The following ZFHX3 variants were observed in gnomAD, a reference collection of about 807,000 sequenced individuals.
The protein encoded by ZFHX3 is zinc finger homeobox 3.
In ZFHX3, 42 loss-of-function variants were observed where a neutral mutation model predicts 279.1. The observed-to-expected ratio is 0.15, with a 90% CI of 0.12 to 0.19. The LOEUF (loss-of-function observed/expected upper bound fraction) is 0.19. Among genes scored for constraint, ZFHX3 ranks in the 10% least tolerant of loss-of-function variants. The pLI, the probability that ZFHX3 is intolerant of heterozygous loss-of-function variation, is 1.00. For synonymous variants in ZFHX3, 2,293 were observed against 1,957.8 expected (o/e 1.17, Z -4.52); for missense variants, 4,981 against 4,754.0 (o/e 1.05, Z -1.40).
At chr16:72,888,719 ACAGT>A (rs2144066072) in intron 4 of ZFHX3, among the ~76,000 whole-genome samples, 1 of 152,346 alleles carries the variant, frequency 6.6e-6, no homozygotes, top group East Asian at 1.9e-4. Flanking sequence ...CAGAAAGAAA[ACAGT>A]CAGGCCCAGC....
chr16:73,686,999 T>C (rs1198223719), intron 1 of ZFHX3, among the ~76,000 whole-genome samples: 1 of 124,110 alleles, frequency 8.1e-6, no homozygotes, highest in Non-Finnish European at 1.7e-5. Flanking sequence ...AATATATATA[T>C]ATTTGCAGCT....
At position 73,166,606 on chromosome 16, in the gene ZFHX3, T is replaced by C. The variant is rs147661445; in HGVS notation, c.-1103-22775A>G. Among the ~76,000 whole-genome samples, 294 of 152,236 alleles carry C rather than the reference T, an allele frequency of 1.9e-3. 1 individual carries two copies. The highest frequency in any genetic ancestry group is 6.4e-3 in the African/African-American group (266 of 41,526). On this transcript the variant is annotated intron_variant, in intron 5 of 17. Coordinates refer to the ZFHX3 transcript ENST00000641206. ...GGAGAGAGGCAGGGAGGGGGTCTGCTGCATGGTTACCCTTGTCAGGTTAAT... is the reference window on the plus strand; with the variant it reads ...GGAGAGAGGCAGGGAGGGGGTCTGCCGCATGGTTACCCTTGTCAGGTTAAT...
Position 72,959,352 on chromosome 16 carries a change from T to C in ZFHX3, c.794A>G (p.Asp265Gly), listed in dbSNP as rs1023789019. 6.2e-6 allele frequency: 10 copies of C among 1,614,098 alleles called. No individual in the cohort carries two copies. The African/African-American group carries it at 1.3e-4, about 22-fold the overall frequency. ...CVSKDVPNNVDLSKFDGFVLY... is the reference protein window; with the variant it reads ...CVSKDVPNNVGLSKFDGFVLY... ...CACAAAGCCATCGAATTTGGACAGGTCCACATTGTTGGGAACATCTTTGGA... is the reference window on the plus strand; with the variant it reads ...CACAAAGCCATCGAATTTGGACAGGCCCACATTGTTGGGAACATCTTTGGA... Residue 265 changes from aspartate to glycine, a missense_variant, in exon 2 of 10, where the codon GAC (aspartate) becomes GGC (glycine). Around this residue, in one of 7 missense-constraint regions of ZFHX3, gnomAD observed 1,068 missense variants for 935.2 expected, o/e 1.14. Transcript: ENST00000268489.
intron 5 of ZFHX3, among the ~76,000 whole-genome samples, chr16:73,249,654 C>T (rs28396374): frequency 0.11 from 16,495 of 152,152 alleles, 1,395 homozygotes; most frequent in East Asian, 0.47. Flanking sequence ...GGGGATACAG[C>T]CAAACCATAT....
intron 3 of ZFHX3, among the ~76,000 whole-genome samples, chr16:73,338,530 A>T (rs899662470): frequency 6.6e-5 from 10 of 152,054 alleles, no homozygotes; most frequent in Non-Finnish European, 1.0e-4. Context: ...TTAGTCTATC[A>T]GTTCTATCAG....
chr16:73,791,954 A>G (rs1959837150), intron 1 of ZFHX3, among the ~76,000 whole-genome samples: 2 of 152,238 alleles, frequency 1.3e-5, no homozygotes, highest in African/African-American at 4.8e-5. Context: ...TTCGTAGTTT[A>G]CAGATGGGAA....
intron 2 of ZFHX3, among the ~76,000 whole-genome samples, chr16:73,593,046 A>G (rs1308238367): frequency 6.6e-6 from 1 of 152,128 alleles, no homozygotes; most frequent in African/African-American, 2.4e-5. Flanking sequence ...CTAAAAAAAT[A>G]CAACTTACCA....
intron 3 of ZFHX3, among the ~76,000 whole-genome samples, chr16:73,370,151 C>G (rs186446431): frequency 2.0e-5 from 3 of 152,296 alleles, no homozygotes; most frequent in African/African-American, 4.8e-5. Flanking sequence ...ACCACAGCAG[C>G]CTTTCTTTGG....
At chr16:73,279,419 C>T (rs2014401948) in intron 4 of ZFHX3, among the ~76,000 whole-genome samples, 1 of 151,694 alleles carries the variant, frequency 6.6e-6, no homozygotes, top group Non-Finnish European at 1.5e-5. Flanking sequence ...TATTTTATGG[C>T]TATAAAGAAA....
chr16:73,076,284 T>C (rs184909192), intron 8 of ZFHX3, among the ~76,000 whole-genome samples: 8 of 152,332 alleles, frequency 5.3e-5, no homozygotes, highest in African/African-American at 1.9e-4. Context: ...CTAGAGGAAC[T>C]GAAACAAATC....
At chr16:73,172,231 G>C (rs1441718104) in intron 5 of ZFHX3, among the ~76,000 whole-genome samples, 1 of 152,228 alleles carries the variant, frequency 6.6e-6, no homozygotes, top group Non-Finnish European at 1.5e-5. Context: ...CAGCCCCGGG[G>C]TGCAGGGGCG....
chr16:73,495,546 C>T (rs1597357970), intron 2 of ZFHX3, among the ~76,000 whole-genome samples: 1 of 152,304 alleles, frequency 6.6e-6, no homozygotes, highest in South Asian at 2.1e-4. Flanking sequence ...AGTGTTTCCT[C>T]GAGTATGGCT....
intron 4 of ZFHX3, among the ~76,000 whole-genome samples, chr16:73,277,094 G>A (rs1023854467): frequency 1.3e-5 from 2 of 152,172 alleles, no homozygotes. Flanking sequence ...TCCTTAAGAG[G>A]AGTGATTCTG....
chr16:73,468,252 C>A (rs1597346917), intron 2 of ZFHX3, among the ~76,000 whole-genome samples: 1 of 152,100 alleles, frequency 6.6e-6, no homozygotes, highest in Non-Finnish European at 1.5e-5. Context: ...CCTCCTGGCC[C>A]AGGATGACTG....
chr16:72,854,777 C>T (rs981766811), intron 4 of ZFHX3, among the ~76,000 whole-genome samples: 5 of 151,996 alleles, frequency 3.3e-5, no homozygotes, highest in African/African-American at 1.2e-4. Context: ...GATTGAGCCT[C>T]ATTAAGAGGG....
intron 1 of ZFHX3, among the ~76,000 whole-genome samples, chr16:73,819,939 C>T (rs562368515): frequency 1.8e-4 from 27 of 152,146 alleles, no homozygotes; most frequent in Admixed American, 7.9e-4. Context: ...AAGATGGTCA[C>T]GACAATGTCT....
intron 7 of ZFHX3, among the ~76,000 whole-genome samples, chr16:73,117,220 C>CTTCT (rs1337344790): frequency 6.6e-6 from 1 of 151,794 alleles, no homozygotes; most frequent in Non-Finnish European, 1.5e-5. Flanking sequence ...CCCTCCTTCC[C>CTTCT]TTCTTTCCTT....
chr16:73,046,701 A>G (rs1965315124), intron 1 of ZFHX3, among the ~76,000 whole-genome samples: 1 of 152,118 alleles, frequency 6.6e-6, no homozygotes, highest in Non-Finnish European at 1.5e-5. Context: ...AAGGATCTCA[A>G]AGCATAGAGA....
intron 5 of ZFHX3, among the ~76,000 whole-genome samples, chr16:73,244,987 A>T (rs2013235561): frequency 6.6e-6 from 1 of 152,224 alleles, no homozygotes; most frequent in Admixed American, 6.5e-5. Flanking sequence ...AGCCACCTAT[A>T]TTAACAGAGC....
Sources: gnomAD v4.1 joint callset for allele counts (sites outside exome capture counted in the v4.1 genomes callset) on GRCh38, gnomAD v4.1.1 for gene constraint, gnomAD v4.1.1 regional missense constraint, MANE v1.5 for transcripts, NCBI Gene and HGNC (gene_info 2026-07-23, HGNC 2026-07-21) for gene names.